The following LHX3 variants were observed in gnomAD, a reference collection of about 807,000 sequenced individuals.
The protein encoded by LHX3 is LIM homeobox 3.
LHX3 carries 21 observed loss-of-function variants against 32.4 expected under a neutral mutation model. The ratio of observed to expected loss-of-function variants is 0.65; its 90% CI spans 0.46 to 0.93. The LOEUF (loss-of-function observed/expected upper bound fraction) is 0.93. LHX3 is among the 40% of genes least tolerant of loss of function. The pLI is 0.00. For missense variants in LHX3, 626 were observed against 560.0 expected (o/e 1.12, Z -1.19); for synonymous variants, 258 against 246.8 (o/e 1.05, Z -0.43).
intron 1 of LHX3, chr9:136,203,302 C>T (rs1165884478): frequency 1.8e-5 from 5 of 278,256 alleles, no homozygotes; most frequent in African/African-American, 6.9e-5. Context: ...TGCGCCGGGA[C>T]CTGCGGTGCC....
chr9:136,200,020 C>T, intron 2 of LHX3, 140 bp from the exon 3 acceptor site: 2 of 891,310 alleles, frequency 2.2e-6, no homozygotes, highest in Non-Finnish European at 3.5e-6. Context: ...TGGTCGCCAG[C>T]CTGGCCGCCG....
Position 136,197,270 on chromosome 9 carries a change from C to G in LHX3, c.*55G>C. 1 of 1,584,094 alleles carries G rather than the reference C, an allele frequency of 6.3e-7. No homozygotes were observed. Among genetic ancestry groups the G allele is most frequent in the South Asian group, 1.1e-5 (1 of 89,840 alleles). ...CTCGGAAACCCCAGCAGCCCCGAGC[C>G]GCCCACCCAGGGGCAGCTCCCTCGT... On this transcript the variant is annotated 3_prime_UTR_variant, in exon 6 of 6. Coordinates refer to ENST00000371748, the MANE Select transcript of LHX3 (RefSeq NM_178138.6).
intron 1 of LHX3, among the ~76,000 whole-genome samples, chr9:136,204,286 C>T (rs897146217): frequency 6.6e-6 from 1 of 152,248 alleles, no homozygotes; most frequent in Non-Finnish European, 1.5e-5. Context: ...TGCCCCTTCA[C>T]TTTGCACAGC....
chr9:136,199,902 G>A, intron 2 of LHX3, 22 bp from the exon 3 acceptor site: 2 of 1,563,398 alleles, frequency 1.3e-6, no homozygotes, highest in Non-Finnish European at 1.7e-6. Flanking sequence ...ACAGGGCCGG[G>A]CTCAGCGCGG....
intron 2 of LHX3, 161 bp from the exon 3 acceptor site, chr9:136,200,041 G>A (rs1236242423): frequency 1.3e-6 from 1 of 749,420 alleles, no homozygotes. Context: ...GGGCAGAGCT[G>A]CCCACTCCCA....
rs767355883 is a variant in LHX3 at position 136,200,797 on chromosome 9, G to T, written c.80-44C>A. ...TCTGGGTCACCTCGTAGACCAGGAG[G>T]CAGTGAAGCCACCTTCCCACCCCAA... is the stretch of plus-strand genomic sequence containing the variant. On this transcript the variant is annotated intron_variant, in intron 1 of 5. Transcript: ENST00000371748. 4.4e-6 allele frequency: 7 copies of T among 1,609,092 alleles called. No individual in the cohort carries two copies. In the South Asian group the frequency reaches 5.5e-5, roughly 13 times the overall value.
chr9:136,197,578 G>C lies in LHX3; in HGVS notation c.941C>G (p.Pro314Arg). The C allele has an allele frequency of 6.5e-7, 1 of 1,536,938 alleles. No homozygotes were observed. ...EQYRELRPGS[P>R]YGVPPSPAAP... ...GGCGGGGGATGGGGGGACACCGTAG[G>C]GGCTGCCGGGACGCAGCTCTCGGTA... The change falls in exon 6 of 6, where the codon CCC becomes CGC. Residue 314 changes from proline to arginine, a missense_variant. By Grantham distance (103) the Pro-to-Arg change is moderately radical. Coordinates refer to ENST00000371748, the MANE Select transcript of LHX3 (RefSeq NM_178138.6).
At position 136,199,715 on chromosome 9, in the gene LHX3, G is replaced by A. The variant is rs1211375524; in HGVS notation, c.417C>T (p.Leu139=). 7 of 1,612,760 alleles carry A rather than the reference G, an allele frequency of 4.3e-6. No individual in the cohort carries two copies. Among genetic ancestry groups the A allele is most frequent in the African/African-American group, 1.3e-5 (1 of 74,922 alleles). ...DEFYLMEDSR[L]VCKADYETAK... is the part of the protein sequence containing the mutation. ...CGGTTTCGTAGTCCGCCTTGCACAC[G>A]AGCCGGCTGTCCTCCATGAGGTAGA... The change falls in exon 3 of 6, where the codon CTC becomes CTT. Residue 139 remains leucine, a synonymous_variant. Transcript: ENST00000371748.
intron 1 of LHX3, chr9:136,202,824 C>T (rs1831676699): frequency 6.8e-6 from 8 of 1,177,492 alleles, no homozygotes; most frequent in Non-Finnish European, 8.5e-6. Flanking sequence ...GCGGACGTTC[C>T]GGGGTCCTCG....
At chr9:136,204,133 C>T (rs1395777828) in intron 1 of LHX3, among the ~76,000 whole-genome samples, 1 of 152,236 alleles carries the variant, frequency 6.6e-6, no homozygotes. Context: ...AATACTCTGT[C>T]CACTCTGCCT....
At chr9:136,198,369 C>CCCCCCCATGAGAAAGCCCCCCCATGAGA (rs1831546033) in intron 5 of LHX3, among the ~76,000 whole-genome samples, 2 of 152,238 alleles carry the variant, frequency 1.3e-5, no homozygotes. Flanking sequence ...ACGGCCTGGA[C>CCCCCCCATGAGAAAGCCCCCCCATGAGA]ACGCCCACCC....
At chr9:136,199,255 G>A (rs1210750743) in intron 3 of LHX3, among the ~76,000 whole-genome samples, 196 bp from the exon 4 acceptor site, 3 of 152,214 alleles carry the variant, frequency 2.0e-5, no homozygotes, top group South Asian at 4.1e-4. Flanking sequence ...GGTGGAGGGG[G>A]CGCCGGCGGA....
intron 5 of LHX3, 81 bp from the exon 6 acceptor site, chr9:136,197,824 C>T: frequency 4.7e-6 from 7 of 1,495,256 alleles, no homozygotes; most frequent in Non-Finnish European, 6.4e-6. Flanking sequence ...GCGGAGGCAC[C>T]CCTGGGTCGG....
At chr9:136,198,227 A>G (rs1831543685) in intron 5 of LHX3, among the ~76,000 whole-genome samples, 1 of 152,192 alleles carries the variant, frequency 6.6e-6, no homozygotes, top group South Asian at 2.1e-4. Context: ...ACAGAAGGGT[A>G]TGGAACCTTC....
chr9:136,199,527 G>C (rs1018142417), intron 3 of LHX3, 151 bp downstream of exon 3: 2 of 837,874 alleles, frequency 2.4e-6, no homozygotes, highest in Non-Finnish European at 3.9e-6. Flanking sequence ...CGCCGTTCCC[G>C]GCCTCGGCTT....
At chr9:136,204,835 G>A (rs2131041973) in intron 1 of LHX3, 99 bp downstream of exon 1, 3 of 967,262 alleles carry the variant, frequency 3.1e-6, no homozygotes, top group South Asian at 1.4e-5. Flanking sequence ...GCAGAGCGGC[G>A]GGACTTTCTT....
At position 136,197,611 on chromosome 9, in the gene LHX3, G is replaced by A. The variant is rs1314837447; in HGVS notation, c.908C>T (p.Pro303Leu). The A allele has an allele frequency of 3.8e-6, 6 of 1,562,508 alleles. No homozygotes were observed. Among genetic ancestry groups the A allele is most frequent in the Non-Finnish European group, 5.2e-6 (6 of 1,155,118 alleles). The change falls in exon 6 of 6, where the codon CCA becomes CTA. Residue 303 changes from proline (P) to leucine (L), a missense_variant. Coordinates refer to ENST00000371748, the MANE Select transcript of LHX3 (RefSeq NM_178138.6). Reference sequence around the variant, plus strand: ...GGGACGCAGCTCTCGGTACTGCTCTGGGCCTGCCAGGCCTCCATGCTCCAG... The same window carrying A: ...GGGACGCAGCTCTCGGTACTGCTCTAGGCCTGCCAGGCCTCCATGCTCCAG... ...FSLEHGGLAG[P>L]EQYRELRPGS...
In LHX3 at chr9:136,197,232, C is replaced by G; in HGVS notation, c.*93G>C. The G allele has an allele frequency of 2.2e-6, 3 of 1,379,048 alleles. No homozygotes were observed. Among genetic ancestry groups the G allele is most frequent in the South Asian group, 2.4e-5 (2 of 82,022 alleles). The allele number at this position is 1,379,048 out of a possible 1,614,324, so 85.4% of individuals were successfully genotyped here. A position where few individuals can be genotyped will look rare whatever the true frequency, so the allele number is the denominator to read the frequency against. On this transcript the variant is annotated 3_prime_UTR_variant, in exon 6 of 6. Coordinates refer to ENST00000371748, the MANE Select transcript of LHX3 (RefSeq NM_178138.6). Reference sequence around the variant, plus strand: ...AAGGCACCAGCCCTCCCTTGACGCCCTGGCCCCACTTCCTCGGAAACCCCA... The same window carrying G: ...AAGGCACCAGCCCTCCCTTGACGCCGTGGCCCCACTTCCTCGGAAACCCCA...
rs377158659 is a variant in LHX3 at position 136,204,640 on chromosome 9, G to A, written c.79+294C>T. ...CAAGAGCTGACGGGCACTGGTCACCGGGGGAACCTAGCACCCCTTGGTCGG... is the reference window on the plus strand; with the variant it reads ...CAAGAGCTGACGGGCACTGGTCACCAGGGGAACCTAGCACCCCTTGGTCGG... On this transcript the variant is annotated intron_variant, in intron 1 of 5. Transcript: ENST00000371748. Among the ~76,000 whole-genome samples the A allele has an allele frequency of 1.7e-4, 26 of 152,312 alleles. No homozygotes were observed. The East Asian group carries it at 3.1e-3, about 18-fold the overall frequency.
Sources: gnomAD v4.1 joint callset for allele counts (sites outside exome capture counted in the v4.1 genomes callset) on GRCh38, gnomAD v4.1.1 for gene constraint, MANE v1.5 for transcripts, NCBI Gene and HGNC (gene_info 2026-07-23, HGNC 2026-07-21) for gene names.